ITIH6: variants seen among roughly 807,000 people sequenced by gnomAD.
ITIH6 encodes the protein inter-alpha-trypsin inhibitor heavy chain family member 6, also known as inter-alpha-trypsin inhibitor heavy chain H6.
Under a neutral mutation model 58.2 loss-of-function variants are expected in ITIH6, and 60 were observed. The observed-to-expected ratio is 1.03, with a 90% confidence interval of 0.84 to 1.28. The LOEUF (loss-of-function observed/expected upper bound fraction) is 1.28, where lower values mean the gene tolerates loss of function less well. Among genes scored for constraint, ITIH6 ranks in the 50% most tolerant of loss-of-function variants. The probability of loss-of-function intolerance (pLI) is 0.00; values close to 1 mark genes in which losing one functional copy is unlikely to be tolerated. For synonymous variants in ITIH6, 493 were observed against 417.4 expected, an observed-to-expected ratio of 1.18 and a Z score of -2.21; for missense variants, 1,290 against 1,021.1, an observed-to-expected ratio of 1.26 and a Z score of -3.59.
At chrX:54,789,845 G>A (rs1300684436) in intron 4 of ITIH6, among the ~76,000 whole-genome samples, 8 of 113,046 alleles carry the variant, frequency 7.1e-5, no homozygotes, top group Admixed American at 6.5e-4. Context: ...ACGTAGTTGG[G>A]AGGGAGGAAT....
Position 54,757,843 on chromosome X carries a change from A to G in ITIH6, c.2231T>C (p.Leu744Pro), listed in dbSNP as rs1928535169. ...GTLLPLKPGS[L>P]SHQNPDILPT... is the part of the protein sequence containing the mutation. ...TAATATATCAGGATTCTGGTGTGATAGAGAGCCGGGCTTCAGAGGCAACAG... is the reference window on the plus strand; with the variant it reads ...TAATATATCAGGATTCTGGTGTGATGGAGAGCCGGGCTTCAGAGGCAACAG... Residue 744 changes from leucine (L) to proline (P), a missense_variant, in exon 8 of 13, where the codon CTA (leucine) becomes CCA (proline). By Grantham distance (98) the Leu-to-Pro change is moderately conservative. Coordinates refer to ENST00000218436, the MANE Select transcript of ITIH6 (RefSeq NM_198510.3). The G allele has an allele frequency of 8.3e-7, 1 of 1,211,539 alleles. No homozygotes were observed. Among genetic ancestry groups the G allele is most frequent in the African/African-American group, 1.7e-5 (1 of 57,751 alleles).
intron 5 of ITIH6, among the ~76,000 whole-genome samples, chrX:54,777,949 C>T (rs146854954): frequency 0.016 from 1,830 of 111,455 alleles, 34 homozygotes; most frequent in African/African-American, 0.057. Flanking sequence ...TATGACATTA[C>T]CAAATAAACT....
chrX:54,775,623 A>T (rs1252946657), intron 5 of ITIH6, among the ~76,000 whole-genome samples: 2 of 111,088 alleles, frequency 1.8e-5, no homozygotes. Context: ...ATAGAATTTT[A>T]TTGTCTTTTC....
At chrX:54,790,703 C>G (rs1929328301) in intron 4 of ITIH6, 134 bp downstream of exon 4, 11 of 834,737 alleles carry the variant, frequency 1.3e-5, no homozygotes, top group Non-Finnish European at 1.9e-5. Context: ...ATGCCCTCTT[C>G]TCACTGAATC....
chrX:54,753,575 CCCACAA>C, intron 11 of ITIH6, 70 bp downstream of exon 11: 3 of 724,730 alleles, frequency 4.1e-6, no homozygotes, highest in African/African-American at 2.1e-5. Context: ...GGGGTATTAA[CCCACAA>C]ATGTCTAGGG....
At chrX:54,755,191 A>T (rs1928461649) in intron 8 of ITIH6, 82 bp from the exon 9 acceptor site, 4 of 844,727 alleles carry the variant, frequency 4.7e-6, no homozygotes, top group African/African-American at 2.0e-5. Flanking sequence ...GAGAGCCCTC[A>T]CTGGCTCTGC....
At position 54,757,762 on chromosome X, in the gene ITIH6, G is replaced by C. The variant is rs746135789; in HGVS notation, c.2312C>G (p.Pro771Arg). The change falls in exon 8 of 13, where the codon CCC becomes CGC. Residue 771 changes from proline (P) to arginine (R), a missense_variant. Transcript: ENST00000218436. ...PPVKPGIPAS[P>R]KADTVKCVTP... ...AACACATTTCACAGTGTCAGCTTTG[G>C]GCGAGGCTGGGATGCCAGGTTTCAC... is the stretch of plus-strand genomic sequence containing the variant. 8.3e-7 allele frequency: 1 copy of C among 1,209,732 alleles called. No homozygotes were observed. The highest frequency in any genetic ancestry group is 1.8e-5 in the African/African-American group (1 of 57,070).
chrX:54,761,308 T>C (rs923022673), intron 6 of ITIH6, among the ~76,000 whole-genome samples: 1 of 112,114 alleles, frequency 8.9e-6, no homozygotes, highest in Admixed American at 9.5e-5. Flanking sequence ...TGTAAATTTG[T>C]TTGAGTTCTT....
At chrX:54,768,355 T>C (rs1259453011) in intron 6 of ITIH6, among the ~76,000 whole-genome samples, 48 of 85,975 alleles carry the variant, frequency 5.6e-4, no homozygotes, top group Admixed American at 2.2e-3. Context: ...AACTTGCCAG[T>C]CTGTGTCTTT....
rs1349915653 is a variant in ITIH6 at position 54,788,464 on chromosome X, C to T, written c.786+16G>A. 8.3e-7 allele frequency: 1 copy of T among 1,202,807 alleles called. No homozygotes were observed. The highest frequency in any genetic ancestry group is 1.1e-6 in the Non-Finnish European group (1 of 888,458). ...TCCAGAGCCCATCCTCTCTCCTCTTCCCCAGGCCCCCTCACCTGCACGTCT... is the reference window on the plus strand; with the variant it reads ...TCCAGAGCCCATCCTCTCTCCTCTTTCCCAGGCCCCCTCACCTGCACGTCT... On this transcript the variant is annotated intron_variant, in intron 5 of 12. Transcript: ENST00000218436.
intron 1 of ITIH6, 117 bp from the exon 2 acceptor site, chrX:54,797,213 T>C (rs1002903105): frequency 3.6e-6 from 2 of 560,444 alleles, no homozygotes; most frequent in African/African-American, 4.7e-5. Flanking sequence ...GTGGATAAAC[T>C]AAGGCCTAGA....
At chrX:54,765,830 C>T (rs1928771586) in intron 6 of ITIH6, among the ~76,000 whole-genome samples, 2 of 109,582 alleles carry the variant, frequency 1.8e-5, no homozygotes, top group Admixed American at 1.9e-4. Context: ...TAGTGTGATG[C>T]CTCCAGCTTT....
At position 54,751,422 on chromosome X, in the gene ITIH6, A is replaced by G. The variant is rs373374626; in HGVS notation, c.3353-42T>C. The G allele has an allele frequency of 8.4e-5, 99 of 1,185,151 alleles. No individual in the cohort carries two copies. In the African/African-American group the frequency reaches 1.6e-3, roughly 19 times the overall value. ...GTGGGCCTGGAGCGGGGGCTTTTGC[A>G]TGGTCATTTACATGGTCACCCACAG... is the stretch of plus-strand genomic sequence containing the variant. On this transcript the variant is annotated intron_variant, in intron 11 of 12. Coordinates refer to ENST00000218436, the MANE Select transcript of ITIH6 (RefSeq NM_198510.3).
intron 5 of ITIH6, among the ~76,000 whole-genome samples, chrX:54,778,521 T>C (rs1929094195): frequency 8.9e-6 from 1 of 111,856 alleles, no homozygotes; most frequent in Admixed American, 9.5e-5. Flanking sequence ...AAAAGCAGAA[T>C]TGTTCAACCA....
chrX:54,769,395 C>G lies in ITIH6; in HGVS notation c.903+4686G>C, dbSNP rs1400134870. Among the ~76,000 whole-genome samples the G allele has an allele frequency of 3.2e-3, 313 of 99,312 alleles. 6 individuals carry two copies. Among genetic ancestry groups the G allele is most frequent in the African/African-American group, 0.012 (309 of 26,246 alleles). The allele number at this position is 99,312 out of a possible 115,157, so 86.2% of individuals were successfully genotyped here. A position where few individuals can be genotyped will look rare whatever the true frequency, so the allele number is the denominator to read the frequency against. ...CTCTCAGCTCGTCAAAATCATTCTCCATCCAGCTTTGTTCCGTTGCTGGTG... is the reference window on the plus strand; with the variant it reads ...CTCTCAGCTCGTCAAAATCATTCTCGATCCAGCTTTGTTCCGTTGCTGGTG... On this transcript the variant is annotated intron_variant, in intron 6 of 12. Coordinates refer to ENST00000218436, the MANE Select transcript of ITIH6 (RefSeq NM_198510.3).
At chrX:54,768,993 C>A in intron 6 of ITIH6, among the ~76,000 whole-genome samples, 2 of 109,195 alleles carry the variant, frequency 1.8e-5, no homozygotes, top group Middle Eastern at 9.3e-3. Flanking sequence ...TGATTCCATT[C>A]TCCCCACCAC....
In ITIH6 at chrX:54,748,974, T is replaced by C. The variant is rs1928294560; in HGVS notation, c.*921A>G. ...CTGCCACTCTGGCTCCCTGTCCCCATCTTTTTATGTCTCTATACCCCTATG... is the reference window on the plus strand; with the variant it reads ...CTGCCACTCTGGCTCCCTGTCCCCACCTTTTTATGTCTCTATACCCCTATG... On this transcript the variant is annotated 3_prime_UTR_variant, in exon 13 of 13. Transcript: ENST00000218436. The C allele has an allele frequency of 9.0e-6, 1 of 111,247 alleles. No individual in the cohort carries two copies. Among genetic ancestry groups the C allele is most frequent in the African/African-American group, 3.3e-5 (1 of 30,495 alleles). The allele number at this position is 111,247 out of a possible 1,213,427, so 9.2% of individuals were successfully genotyped here.
intron 6 of ITIH6, among the ~76,000 whole-genome samples, chrX:54,767,346 G>A (rs1254088579): frequency 2.1e-4 from 23 of 108,229 alleles, no homozygotes; most frequent in South Asian, 4.0e-4. Flanking sequence ...ACCAGCTCCT[G>A]GATTCATTGA....
chrX:54,753,513 G>T, intron 11 of ITIH6, 138 bp downstream of exon 11: 1 of 452,004 alleles, frequency 2.2e-6, no homozygotes, highest in Admixed American at 3.6e-5. Context: ...TGTGTGTCTT[G>T]GTGTGTTCTT....
Sources: allele counts gnomAD v4.1 joint callset (sites outside exome capture counted in the v4.1 genomes callset), GRCh38; gene constraint gnomAD v4.1.1; transcripts MANE v1.5; gene names NCBI Gene and HGNC (gene_info 2026-07-23, HGNC 2026-07-21).